The following CPM variants were observed in gnomAD, a reference collection of about 807,000 sequenced individuals.
CPM encodes carboxypeptidase M.
A neutral mutation model predicts 46.4 loss-of-function variants in CPM; 35 were observed. The observed-to-expected ratio is 0.75, with a 90% CI of 0.58 to 1.00. The LOEUF is 1.00. CPM is among the 50% of genes least tolerant of loss of function. CPM has a pLI of 0.00. For synonymous variants in CPM, 195 were observed against 195.3 expected, an observed-to-expected ratio of 1.00 and a Z score of 0.01; for missense variants, 422 against 530.4, an observed-to-expected ratio of 0.80 and a Z score of 2.01.
chr12:68,939,619 T>C (rs933847527), intron 1 of CPM, among the ~76,000 whole-genome samples: 1 of 152,008 alleles, frequency 6.6e-6, no homozygotes, highest in Non-Finnish European at 1.5e-5. Flanking sequence ...AGTTGTAAAA[T>C]GTGCAAATCT....
At chr12:68,912,617 T>C (rs1887644539) in intron 2 of CPM, among the ~76,000 whole-genome samples, 1 of 152,206 alleles carries the variant, frequency 6.6e-6, no homozygotes. Context: ...CCATGACCTA[T>C]GAGCCCACTG....
At chr12:68,886,745 T>G (rs902626135) in intron 2 of CPM, among the ~76,000 whole-genome samples, 2 of 152,182 alleles carry the variant, frequency 1.3e-5, no homozygotes, top group Non-Finnish European at 2.9e-5. Flanking sequence ...CACAGCCCCT[T>G]GGGAGCATCC....
At chr12:68,933,491 A>G (rs913572323), upstream of CPM, among the ~76,000 whole-genome samples, 26 of 152,028 alleles carry the variant, frequency 1.7e-4, no homozygotes, top group African/African-American at 5.8e-4. Flanking sequence ...GGGCAGCCAC[A>G]GGGCGCTCCA....
chr12:68,950,290 A>G (rs1022010947), intron 1 of CPM, among the ~76,000 whole-genome samples: 9 of 152,230 alleles, frequency 5.9e-5, no homozygotes, highest in Admixed American at 2.6e-4. Context: ...ATGCGCGCCA[A>G]CAGGGTATTG....
At chr12:68,906,339 AAAT>A (rs1887346235) in intron 2 of CPM, among the ~76,000 whole-genome samples, 1 of 152,244 alleles carries the variant, frequency 6.6e-6, no homozygotes, top group South Asian at 2.1e-4. Flanking sequence ...CATTTTTCAC[AAAT>A]ACCTCAGCTG....
At chr12:68,957,911 A>G (rs1269385947) in intron 1 of CPM, among the ~76,000 whole-genome samples, 1 of 135,130 alleles carries the variant, frequency 7.4e-6, no homozygotes, top group South Asian at 2.2e-4. Flanking sequence ...CTCATTGTTC[A>G]GTTCCCACCT....
intron 2 of CPM, among the ~76,000 whole-genome samples, chr12:68,927,424 T>C (rs2136316469): frequency 6.6e-6 from 1 of 152,354 alleles, no homozygotes; most frequent in East Asian, 1.9e-4. Context: ...TGTTTTTTTC[T>C]TGTAAATTTG....
At chr12:68,883,488 C>T (rs1886286035) in intron 3 of CPM, among the ~76,000 whole-genome samples, 1 of 152,134 alleles carries the variant, frequency 6.6e-6, no homozygotes, top group Non-Finnish European at 1.5e-5. Flanking sequence ...GGTAAAAGTG[C>T]TTCAGATTCC....
intron 1 of CPM, among the ~76,000 whole-genome samples, chr12:68,962,646 A>G (rs974317818): frequency 6.6e-6 from 1 of 152,216 alleles, no homozygotes; most frequent in African/African-American, 2.4e-5. Flanking sequence ...CTGAAAAACA[A>G]GCTCAGGCCA....
At chr12:68,880,704 C>G (rs74099458) in intron 3 of CPM, among the ~76,000 whole-genome samples, 15,675 of 152,242 alleles carry the variant, frequency 0.1, 1,656 homozygotes, top group African/African-American at 0.26. Flanking sequence ...CCTGGGCCCC[C>G]TTCATGGTAC....
chr12:68,932,987 T>C, intron 1 of CPM, 147 bp from the exon 2 acceptor site: 1 of 667,186 alleles, frequency 1.5e-6, no homozygotes, highest in Non-Finnish European at 2.5e-6. Flanking sequence ...AAGCAACACC[T>C]TCGGGAGTGA....
At chr12:68,941,157 G>C (rs1286962204) in intron 1 of CPM, among the ~76,000 whole-genome samples, 1 of 147,558 alleles carries the variant, frequency 6.8e-6, no homozygotes, top group Non-Finnish European at 1.5e-5. Flanking sequence ...GTAATTTGAA[G>C]ATGTGCTGAG....
chr12:68,949,296 G>C (rs998974244), intron 1 of CPM, among the ~76,000 whole-genome samples: 2 of 152,206 alleles, frequency 1.3e-5, no homozygotes, highest in African/African-American at 2.4e-5. Flanking sequence ...GCTTGAGCCC[G>C]GGAGGTCAAG....
chr12:68,849,920 A>T (rs1884586014), downstream of CPM: 1 of 152,170 alleles, frequency 6.6e-6, no homozygotes, highest in Non-Finnish European at 1.5e-5. Context: ...GTAGACTCTT[A>T]ACAGCGCTGA....
At chr12:68,881,781 C>A (rs1172495135) in intron 3 of CPM, among the ~76,000 whole-genome samples, 3 of 149,942 alleles carry the variant, frequency 2.0e-5, no homozygotes, top group Non-Finnish European at 4.4e-5. Flanking sequence ...AGTGCAGTGG[C>A]ATGATCTTGG....
intron 2 of CPM, among the ~76,000 whole-genome samples, chr12:68,914,732 ACCTATTGAAGTGG>A (rs1368756748): frequency 1.3e-5 from 2 of 151,920 alleles, no homozygotes; most frequent in African/African-American, 4.8e-5. Context: ...CTGTCTCCTC[ACCTATTGAAGTGG>A]CCTAGGTCAC....
At chr12:68,844,538 G>A (rs1372965898) in intron 5 of CPM, 2 of 228,226 alleles carry the variant, frequency 8.8e-6, no homozygotes, top group Non-Finnish European at 1.7e-5. Context: ...CGTACCACTT[G>A]TCAGCGTGAA....
At chr12:68,847,452 C>CTTTCT (rs1555190285), downstream of CPM, 1 of 88,722 alleles carries the variant, frequency 1.1e-5, no homozygotes, top group African/African-American at 5.6e-5. Flanking sequence ...TATCTCCTTT[C>CTTTCT]TTTTTTTTTT....
At chr12:68,950,886 C>T (rs1265026705) in intron 1 of CPM, among the ~76,000 whole-genome samples, 1 of 152,228 alleles carries the variant, frequency 6.6e-6, no homozygotes, top group Non-Finnish European at 1.5e-5. Flanking sequence ...CCTTCTCCAA[C>T]TTCATGTCCA....
Sources: allele counts gnomAD v4.1 joint callset (sites outside exome capture counted in the v4.1 genomes callset), GRCh38; gene constraint gnomAD v4.1.1; transcripts MANE v1.5; gene names NCBI Gene and HGNC (gene_info 2026-07-23, HGNC 2026-07-21).